TEAD1: variants seen among roughly 807,000 people sequenced by gnomAD.
TEAD1 encodes the protein TEA domain transcription factor 1, also known as transcriptional enhancer factor TEF-1.
In TEAD1, 9 loss-of-function variants were observed where a neutral mutation model predicts 54.9. That is an observed-to-expected ratio of 0.16 (90% CI 0.10 to 0.29). The LOEUF is 0.29. TEAD1 is among the 10% of genes least tolerant of loss of function. The pLI is 1.00. For missense variants in TEAD1, 387 were observed against 535.9 expected, an observed-to-expected ratio of 0.72 and a Z score of 2.74; for synonymous variants, 200 against 187.8, an observed-to-expected ratio of 1.07 and a Z score of -0.53.
rs1228429800 is a variant in TEAD1 at position 12,902,044 on chromosome 11, A to G, written c.804A>G (p.Glu268=). 8.1e-6 allele frequency: 13 copies of G among 1,614,130 alleles called. No individual in the cohort carries two copies. Among genetic ancestry groups the G allele is most frequent in the African/African-American group, 2.7e-5 (2 of 74,944 alleles). ...GTCAGATTTATGACAAATTTCCTGA[A>G]AAGAAAGGTGGCTTAAAGGAACTGT... is the stretch of plus-strand genomic sequence containing the variant. The change falls in exon 10 of 13, where the codon GAA becomes GAG. Residue 268 remains glutamate, a synonymous_variant. Coordinates refer to ENST00000527636, the MANE Select transcript of TEAD1 (RefSeq NM_021961.6).
rs1305642692 is a variant in TEAD1, at chr11:12,924,944, T to C, written c.906T>C (p.Ala302=). The change falls in exon 11 of 13, where the codon GCT becomes GCC. Residue 302 remains alanine (A), a synonymous_variant. Coordinates refer to ENST00000527636, the MANE Select transcript of TEAD1 (RefSeq NM_021961.6). ...TAAACTGCAATATTCAAGATGATGCTGGGGCTTTTTATGGTGTAACCAGTC... is the reference window on the plus strand; with the variant it reads ...TAAACTGCAATATTCAAGATGATGCCGGGGCTTTTTATGGTGTAACCAGTC... 1.9e-6 allele frequency: 3 copies of C among 1,614,198 alleles called. No individual in the cohort carries two copies. In the South Asian group the frequency reaches 3.3e-5, roughly 18 times the overall value.
intron 3 of TEAD1, among the ~76,000 whole-genome samples, chr11:12,775,181 A>G (rs1945393284): frequency 6.6e-6 from 1 of 152,184 alleles, no homozygotes; most frequent in Non-Finnish European, 1.5e-5. Context: ...TTAAGGGAGA[A>G]ATTGAGCTGA....
chr11:12,922,547 T>C (rs1230021772), intron 10 of TEAD1: 1 of 152,072 alleles, frequency 6.6e-6, no homozygotes, highest in Non-Finnish European at 1.5e-5. Context: ...AAAAGGAAAT[T>C]TAAATGTAGA....
chr11:12,857,945 G>A (rs972744664), intron 3 of TEAD1, among the ~76,000 whole-genome samples: 6 of 152,074 alleles, frequency 3.9e-5, no homozygotes, highest in African/African-American at 1.4e-4. Context: ...AGTTGGTCTG[G>A]TATGGTGGAG....
chr11:12,739,371 G>A (rs193174132), intron 2 of TEAD1, among the ~76,000 whole-genome samples: 17 of 152,138 alleles, frequency 1.1e-4, no homozygotes, highest in Admixed American at 7.8e-4. Context: ...TTTTGCTATC[G>A]TCACCACCAT....
At chr11:12,702,606 A>C (rs1468189594) in intron 2 of TEAD1, among the ~76,000 whole-genome samples, 1 of 152,146 alleles carries the variant, frequency 6.6e-6, no homozygotes, top group Non-Finnish European at 1.5e-5. Context: ...CTCCTCCAGC[A>C]GCACTGCCTT....
intron 3 of TEAD1, among the ~76,000 whole-genome samples, chr11:12,834,273 ATTC>A (rs1342372533): frequency 6.6e-6 from 1 of 152,210 alleles, no homozygotes; most frequent in African/African-American, 2.4e-5. Flanking sequence ...TACTTAGACT[ATTC>A]TTTTTAAATC....
intron 3 of TEAD1, among the ~76,000 whole-genome samples, chr11:12,782,569 C>T (rs548135906): frequency 6.6e-6 from 1 of 152,282 alleles, no homozygotes; most frequent in Admixed American, 6.5e-5. Context: ...GCTTACACAA[C>T]TCTGTGAATG....
At chr11:12,912,519 T>C (rs1345304585) in intron 10 of TEAD1, among the ~76,000 whole-genome samples, 5 of 151,676 alleles carry the variant, frequency 3.3e-5, no homozygotes, top group African/African-American at 1.2e-4. Context: ...TGGCGAGAGG[T>C]CCCCATGGCC....
At chr11:12,857,036 G>A (rs1182318864) in intron 3 of TEAD1, among the ~76,000 whole-genome samples, 1 of 152,096 alleles carries the variant, frequency 6.6e-6, no homozygotes, top group African/African-American at 2.4e-5. Flanking sequence ...CCACAACAAC[G>A]TTAACCAGTC....
chr11:12,719,896 G>A (rs562074765), intron 2 of TEAD1, among the ~76,000 whole-genome samples: 49 of 141,926 alleles, frequency 3.5e-4, no homozygotes, highest in South Asian at 7.4e-4. Context: ...CAGGTGGCAT[G>A]ATCTGTAATG....
At chr11:12,722,050 T>C (rs1247677112) in intron 2 of TEAD1, among the ~76,000 whole-genome samples, 1 of 152,232 alleles carries the variant, frequency 6.6e-6, no homozygotes, top group African/African-American at 2.4e-5. Flanking sequence ...TAGCCTGCAG[T>C]GCAGGTGAAT....
rs530021690 is a variant in TEAD1 at position 12,730,484 on chromosome 11, G to A, written c.-54-33695G>A. ...TTGGCTCCAGTTTGGTGAGAGAACC[G>A]AGAGAGGTAGGTCTTAAAAACTTGA... is the stretch of plus-strand genomic sequence containing the variant. On this transcript the variant is annotated intron_variant, in intron 2 of 12. Coordinates refer to ENST00000527636, the MANE Select transcript of TEAD1 (RefSeq NM_021961.6). Among the ~76,000 whole-genome samples the A allele has an allele frequency of 3.4e-4, 48 of 141,202 alleles. 2 individuals carry two copies. Among genetic ancestry groups the A allele is most frequent in the Admixed American group, 2.2e-3 (30 of 13,418 alleles). 92.6% of individuals were successfully genotyped at this position (141,202 alleles called of 152,430 possible).
At chr11:12,802,178 T>G (rs1946072626) in intron 3 of TEAD1, among the ~76,000 whole-genome samples, 1 of 152,218 alleles carries the variant, frequency 6.6e-6, no homozygotes, top group African/African-American at 2.4e-5. Flanking sequence ...GGGCACCTAC[T>G]TAGCCTCTAA....
chr11:12,737,306 CT>C (rs1203957157), intron 2 of TEAD1, among the ~76,000 whole-genome samples: 4 of 143,814 alleles, frequency 2.8e-5, no homozygotes, highest in African/African-American at 1.1e-4. Context: ...GATGGTATGA[CT>C]AAAATCAATG....
chr11:12,875,512 T>C (rs758878321), intron 5 of TEAD1, among the ~76,000 whole-genome samples: 7 of 152,244 alleles, frequency 4.6e-5, no homozygotes, highest in Non-Finnish European at 8.8e-5. Flanking sequence ...GTGCTTATTA[T>C]TTCCAGGGTC....
chr11:12,814,882 T>C (rs1389472681), intron 3 of TEAD1, among the ~76,000 whole-genome samples: 1 of 151,480 alleles, frequency 6.6e-6, no homozygotes, highest in African/African-American at 2.4e-5. Flanking sequence ...TGTGTGTGTG[T>C]GCACGCGTCC....
chr11:12,813,057 G>T (rs1946339197), intron 3 of TEAD1, among the ~76,000 whole-genome samples: 1 of 152,192 alleles, frequency 6.6e-6, no homozygotes, highest in Non-Finnish European at 1.5e-5. Context: ...ACTTTTATCA[G>T]TGAGCAGACG....
intron 3 of TEAD1, among the ~76,000 whole-genome samples, chr11:12,766,371 C>G (rs1437814785): frequency 6.6e-6 from 1 of 152,150 alleles, no homozygotes; most frequent in Non-Finnish European, 1.5e-5. Context: ...TATAAGAGCT[C>G]TTGTTGGTAA....
Sources: allele counts gnomAD v4.1 joint callset (sites outside exome capture counted in the v4.1 genomes callset), GRCh38; gene constraint gnomAD v4.1.1; transcripts MANE v1.5; gene names NCBI Gene and HGNC (gene_info 2026-07-23, HGNC 2026-07-21).